Variants in IL4R observed in about 807,000 individuals in gnomAD.
The protein encoded by IL4R is interleukin-4 receptor subunit alpha.
In IL4R, 17 loss-of-function variants were observed where a neutral mutation model predicts 41.5. That is an observed-to-expected ratio of 0.41 (90% CI 0.28 to 0.61). The LOEUF (loss-of-function observed/expected upper bound fraction) is 0.61, where lower values mean the gene tolerates loss of function less well. IL4R is among the 20% of genes least tolerant of loss of function. The probability of loss-of-function intolerance (pLI) is 0.31; values close to 1 mark genes in which losing one functional copy is unlikely to be tolerated. For synonymous variants in IL4R, 402 were observed against 422.9 expected (o/e 0.95, Z 0.61); for missense variants, 974 against 1,043.1 (o/e 0.93, Z 0.91).
chr16:27,341,054 C>G (rs1266721266), intron 3 of IL4R: 3 of 654,848 alleles, frequency 4.6e-6, no homozygotes, highest in Non-Finnish European at 8.4e-6. Context: ...TCCATATCAT[C>G]CATTATGTTC....
chr16:27,340,489 G>A (rs1260490096), intron 3 of IL4R, among the ~76,000 whole-genome samples: 3 of 152,182 alleles, frequency 2.0e-5, no homozygotes, highest in South Asian at 2.1e-4. Context: ...TCAGGAGGCC[G>A]AGGCAGGAGG....
At chr16:27,349,232 G>T (rs1409464821) in intron 6 of IL4R, among the ~76,000 whole-genome samples, 1 of 152,196 alleles carries the variant, frequency 6.6e-6, no homozygotes, top group Admixed American at 6.5e-5. Flanking sequence ...GTGGAGTTCT[G>T]TCCTAAGCAG....
chr16:27,362,102 A>G (rs2086313688), intron 10 of IL4R, 150 bp from the exon 11 acceptor site: 2 of 801,706 alleles, frequency 2.5e-6, no homozygotes, highest in Non-Finnish European at 4.0e-6. Context: ...TTCTAGCAAC[A>G]TAGACTGATC....
chr16:27,325,584 AAAG>A (rs2084934656), intron 1 of IL4R, among the ~76,000 whole-genome samples: 2 of 152,188 alleles, frequency 1.3e-5, no homozygotes, highest in Non-Finnish European at 2.9e-5. Context: ...AAAAAAAAAA[AAAG>A]AACCTTCAGA....
rs2086188093 is a variant in IL4R at position 27,358,958 on chromosome 16, C to T, written c.813C>T (p.Arg271=). ...GGGATCAGATTCCCAACCCAGCCCG[C>T]AGCCGCCTCGTGGCTATAATAATCC... ...EWWDQIPNPA[R]SRLVAIIIQD... is the part of the protein sequence containing the mutation. The change falls in exon 9 of 11, where the codon CGC becomes CGT. Residue 271 remains arginine, a synonymous_variant. Transcript: ENST00000395762. 6.2e-7 allele frequency: 1 copy of T among 1,613,934 alleles called. No individual in the cohort carries two copies. Among genetic ancestry groups the T allele is most frequent in the Non-Finnish European group, 8.5e-7 (1 of 1,179,922 alleles).
chr16:27,363,696 C>G lies in IL4R; in HGVS notation c.2344C>G (p.Pro782Ala). Reference sequence around the variant, plus strand: ...CAGTCTGTGTCCGGCCTCCCTGGCACCCTCGGGCATCTCAGAGAAGAGTAA... The same window carrying G: ...CAGTCTGTGTCCGGCCTCCCTGGCAGCCTCGGGCATCTCAGAGAAGAGTAA... ...EASLCPASLA[P>A]SGISEKSKSS... Residue 782 changes from proline (P) to alanine (A), a missense_variant, in exon 11 of 11, where the codon CCC becomes GCC. Physicochemically the swap from Pro to Ala is conservative, Grantham distance 27 (BLOSUM62 -1). This residue lies in a region of IL4R where 682 missense variants were observed against 704.3 expected (regional missense o/e 0.97). Coordinates refer to ENST00000395762, the MANE Select transcript of IL4R (RefSeq NM_000418.4). 2 of 1,613,914 alleles carry G rather than the reference C, an allele frequency of 1.2e-6. No homozygotes were observed. Among genetic ancestry groups the G allele is most frequent in the Non-Finnish European group, 1.7e-6 (2 of 1,180,022 alleles).
At chr16:27,349,866 C>G (rs2085801699) in intron 6 of IL4R, among the ~76,000 whole-genome samples, 1 of 152,202 alleles carries the variant, frequency 6.6e-6, no homozygotes, top group Non-Finnish European at 1.5e-5. Flanking sequence ...TCTCCCACCT[C>G]TGCCTCCCAG....
At chr16:27,355,520 A>T (rs1003006186) in intron 7 of IL4R, 2 of 386,220 alleles carry the variant, frequency 5.2e-6, no homozygotes, top group Non-Finnish European at 9.8e-6. Context: ...TCCGGCTCCT[A>T]AGTTGGTGCA....
At chr16:27,318,243 A>T (rs1398481428) in intron 1 of IL4R, among the ~76,000 whole-genome samples, 1 of 152,186 alleles carries the variant, frequency 6.6e-6, no homozygotes, top group African/African-American at 2.4e-5. Context: ...CATGATGGGC[A>T]TGTCGGTGGG....
intron 1 of IL4R, 144 bp downstream of exon 1, chr16:27,314,164 C>A (rs918803853): frequency 1.1e-6 from 1 of 939,328 alleles, no homozygotes; most frequent in East Asian, 1.2e-4. Flanking sequence ...CCGCGACTCT[C>A]GGTGCGCGCG....
chr16:27,342,318 G>A, intron 4 of IL4R, 59 bp downstream of exon 4: 1 of 1,604,140 alleles, frequency 6.2e-7, no homozygotes, highest in Non-Finnish European at 8.5e-7. Flanking sequence ...TTTGCCCCAA[G>A]AGTGAGCTGG....
chr16:27,352,436 G>T (rs1390559198), intron 6 of IL4R, 104 bp from the exon 7 acceptor site: 1 of 881,486 alleles, frequency 1.1e-6, no homozygotes, highest in Admixed American at 2.2e-5. Context: ...ACCCAGGCTG[G>T]TGGCTCTTAA....
intron 9 of IL4R, 148 bp downstream of exon 9, chr16:27,359,142 G>T: frequency 1.5e-6 from 1 of 650,734 alleles, no homozygotes; most frequent in Non-Finnish European, 2.8e-6. Context: ...GACAGAAGCC[G>T]AATGAGGTCA....
chr16:27,332,741 T>G (rs1166260137), intron 2 of IL4R, among the ~76,000 whole-genome samples: 1 of 152,036 alleles, frequency 6.6e-6, no homozygotes, highest in East Asian at 1.9e-4. Context: ...TTTCTGTTTC[T>G]AGTACTCTAG....
In IL4R at chr16:27,363,352, G is replaced by A. The variant is rs753320778; in HGVS notation, c.2000G>A (p.Ser667Asn). ...AGGGAGCCACCTCGCAGTCCGCAGA[G>A]CTCACATCTCCCAAGCAGCTCCCCA... ...LDREPPRSPQ[S>N]SHLPSSSPEH... is the part of the protein sequence containing the mutation. The change falls in exon 11 of 11, where the codon AGC (serine) becomes AAC (asparagine). Residue 667 changes from serine (S) to asparagine (N), a missense_variant. Transcript: ENST00000395762. 7 of 1,614,084 alleles carry A rather than the reference G, an allele frequency of 4.3e-6. No homozygotes were observed. Among genetic ancestry groups the A allele is most frequent in the Non-Finnish European group, 5.1e-6 (6 of 1,179,998 alleles).
intron 6 of IL4R, among the ~76,000 whole-genome samples, chr16:27,351,506 CTCTCTTTTT>C (rs1321769592): frequency 7.4e-5 from 9 of 120,808 alleles, no homozygotes; most frequent in African/African-American, 2.8e-4. Context: ...ATCTCTCTCT[CTCTCTTTTT>C]TTTTTTTTTT....
rs753631151 is a variant in IL4R at position 27,355,850 on chromosome 16, G to A, written c.713G>A (p.Ser238Asn). 6.2e-7 allele frequency: 1 copy of A among 1,613,762 alleles called. No individual in the cohort carries two copies. Among genetic ancestry groups the A allele is most frequent in the Non-Finnish European group, 8.5e-7 (1 of 1,179,978 alleles). Residue 238 changes from serine (S) to asparagine (N), a missense_variant, in exon 8 of 11, where the codon AGC (serine) becomes AAC (asparagine). Physicochemically the swap from Ser to Asn is conservative, Grantham distance 46 (BLOSUM62 1). Around this residue, in one of 3 missense-constraint regions of IL4R, gnomAD observed 284 missense variants for 313.4 expected, o/e 0.91. Transcript: ENST00000395762. ...GAGCAGCACCTCCTGCTGGGCGTCA[G>A]CGTTTCCTGCATTGTCATCCTGGCC... is the stretch of plus-strand genomic sequence containing the variant. Reference protein sequence around the residue: ...PFEQHLLLGVSVSCIVILAVC... With the variant: ...PFEQHLLLGVNVSCIVILAVC...
At chr16:27,330,553 T>G (rs1371754457) in intron 2 of IL4R, among the ~76,000 whole-genome samples, 1 of 152,114 alleles carries the variant, frequency 6.6e-6, no homozygotes, top group African/African-American at 2.4e-5. Flanking sequence ...CCGATTTACT[T>G]GTACTCATTT....
chr16:27,342,090 G>T, intron 3 of IL4R, 31 bp from the exon 4 acceptor site: 1 of 1,611,084 alleles, frequency 6.2e-7, no homozygotes, highest in East Asian at 2.2e-5. Flanking sequence ...TGAGTTCCTG[G>T]GCCGCTCAGG....
Sources: allele counts gnomAD v4.1 joint callset (sites outside exome capture counted in the v4.1 genomes callset), GRCh38; gene constraint gnomAD v4.1.1; regional missense constraint gnomAD v4.1.1; transcripts MANE v1.5; gene names NCBI Gene and HGNC (gene_info 2026-07-23, HGNC 2026-07-21).